USP49: variants seen among roughly 807,000 people sequenced by gnomAD.
The protein encoded by USP49 is ubiquitin carboxyl-terminal hydrolase 49.
USP49 carries 24 observed loss-of-function variants against 58.6 expected under a neutral mutation model. The ratio of observed to expected loss-of-function variants is 0.41; its 90% CI spans 0.30 to 0.58. The LOEUF is 0.58. USP49 is among the 20% of genes least tolerant of loss of function. The pLI, the probability that USP49 is intolerant of heterozygous loss-of-function variation, is 0.30. For missense variants in USP49, 703 were observed against 866.1 expected (o/e 0.81, Z 2.36); for synonymous variants, 408 against 365.1 (o/e 1.12, Z -1.34).
intron 5 of USP49, among the ~76,000 whole-genome samples, chr6:41,801,925 A>G (rs952214435): frequency 6.6e-5 from 10 of 152,250 alleles, no homozygotes; most frequent in African/African-American, 2.4e-4. Context: ...AAAGATAAAC[A>G]AAAGTTATTT....
chr6:41,814,284 T>TA (rs1482669509), intron 3 of USP49, among the ~76,000 whole-genome samples: 17 of 152,238 alleles, frequency 1.1e-4, no homozygotes, highest in Admixed American at 1.1e-3. Context: ...AGTTTTATTT[T>TA]AAAAATCTGA....
chr6:41,875,036 C>T (rs987806333), intron 2 of USP49, among the ~76,000 whole-genome samples: 2 of 152,092 alleles, frequency 1.3e-5, no homozygotes, highest in African/African-American at 4.8e-5. Flanking sequence ...AAACTAACTT[C>T]TGGGTGATGT....
At chr6:41,833,322 C>T (rs1477339287) in intron 3 of USP49, among the ~76,000 whole-genome samples, 1 of 151,956 alleles carries the variant, frequency 6.6e-6, no homozygotes, top group Non-Finnish European at 1.5e-5. Flanking sequence ...GGCCTTGACA[C>T]AGTATTTCTG....
At chr6:41,827,675 C>CA (rs373056101) in intron 3 of USP49, among the ~76,000 whole-genome samples, 5,612 of 92,128 alleles carry the variant, frequency 0.061, 268 homozygotes, top group Admixed American at 0.13. Context: ...ACTCTGTCTC[C>CA]AAAAAAAAAA....
chr6:41,863,076 C>T (rs957716981), intron 3 of USP49, among the ~76,000 whole-genome samples: 2 of 152,088 alleles, frequency 1.3e-5, no homozygotes, highest in Non-Finnish European at 2.9e-5. Context: ...CGCACCTGGC[C>T]TCTCACACTT....
intron 3 of USP49, among the ~76,000 whole-genome samples, chr6:41,865,423 G>A (rs1323594993): frequency 6.6e-6 from 1 of 152,066 alleles, no homozygotes; most frequent in Non-Finnish European, 1.5e-5. Context: ...AAGAACAGCG[G>A]GATAGGCCTA....
chr6:41,860,442 A>C (rs1156365724), intron 3 of USP49, among the ~76,000 whole-genome samples: 4 of 152,158 alleles, frequency 2.6e-5, no homozygotes, highest in African/African-American at 9.7e-5. Flanking sequence ...CTATTCGATG[A>C]TATTAAGAAA....
intron 3 of USP49, among the ~76,000 whole-genome samples, chr6:41,848,823 C>G (rs1352164528): frequency 1.3e-5 from 2 of 151,302 alleles, no homozygotes; most frequent in East Asian, 3.9e-4. Context: ...CCACTGCACT[C>G]CAGCCTGGAC....
intron 3 of USP49, among the ~76,000 whole-genome samples, chr6:41,842,744 A>C (rs1301768614): frequency 6.6e-6 from 1 of 152,090 alleles, no homozygotes; most frequent in East Asian, 1.9e-4. Flanking sequence ...ACTGCCCAGA[A>C]TTTATTCCTG....
chr6:41,842,773 T>C (rs547955805), intron 3 of USP49, among the ~76,000 whole-genome samples: 14 of 152,148 alleles, frequency 9.2e-5, no homozygotes, highest in African/African-American at 3.1e-4. Context: ...TTTTCATAAG[T>C]TAAATTTGAT....
chr6:41,866,580 C>T (rs1774323321), intron 3 of USP49, among the ~76,000 whole-genome samples: 1 of 152,180 alleles, frequency 6.6e-6, no homozygotes, highest in Admixed American at 6.5e-5. Context: ...TGACTTTCAA[C>T]CCACACTGGG....
At chr6:41,856,766 G>T (rs1483303486) in intron 3 of USP49, among the ~76,000 whole-genome samples, 1 of 152,160 alleles carries the variant, frequency 6.6e-6, no homozygotes, top group African/African-American at 2.4e-5. Context: ...AGTACAGTAA[G>T]ATATTTTGAG....
At chr6:41,830,362 T>C (rs572786143) in intron 3 of USP49, among the ~76,000 whole-genome samples, 15 of 152,312 alleles carry the variant, frequency 9.8e-5, no homozygotes, top group Admixed American at 7.2e-4. Context: ...CCAAAAATCC[T>C]CCCAGTGATC....
intron 3 of USP49, among the ~76,000 whole-genome samples, chr6:41,821,936 G>A (rs1218607011): frequency 6.6e-6 from 1 of 152,132 alleles, no homozygotes; most frequent in African/African-American, 2.4e-5. Context: ...ACATGACGCT[G>A]GTTTTACGAA....
Position 41,798,916 on chromosome 6 carries a change from T to G in USP49, c.1684A>C (p.Asn562His). Residue 562 changes from asparagine (N) to histidine (H), a missense_variant, in exon 7 of 8, where the codon AAT becomes CAT. Asn to His is a moderately conservative substitution (Grantham distance 68). Coordinates refer to ENST00000682992, the MANE Select transcript of USP49 (RefSeq NM_001286554.2). ...HLKRFRWSGR[N>H]HREKIGVHVV... ...TGGACCCCAATCTTCTCTCGATGATTACGGCCAGACCACCTAGAACATGGA... is the reference window on the plus strand; with the variant it reads ...TGGACCCCAATCTTCTCTCGATGATGACGGCCAGACCACCTAGAACATGGA... The G allele has an allele frequency of 6.2e-7, 1 of 1,612,446 alleles. No homozygotes were observed. The highest frequency in any genetic ancestry group is 8.5e-7 in the Non-Finnish European group (1 of 1,179,320).
At chr6:41,852,197 T>C (rs1419159087) in intron 3 of USP49, among the ~76,000 whole-genome samples, 2 of 151,888 alleles carry the variant, frequency 1.3e-5, no homozygotes, top group African/African-American at 4.8e-5. Flanking sequence ...TGGTGGTACA[T>C]GCCTGTAATC....
At chr6:41,824,477 G>A (rs577820806) in intron 3 of USP49, among the ~76,000 whole-genome samples, 27 of 151,286 alleles carry the variant, frequency 1.8e-4, no homozygotes, top group African/African-American at 5.6e-4. Flanking sequence ...TTGGGAGGCC[G>A]AGGCGGGCAG....
intron 2 of USP49, among the ~76,000 whole-genome samples, chr6:41,874,920 C>A (rs1456378736): frequency 6.6e-6 from 1 of 151,996 alleles, no homozygotes; most frequent in Non-Finnish European, 1.5e-5. Flanking sequence ...CGTGATTGCA[C>A]CACTGCACTC....
At position 41,802,452 on chromosome 6, in the gene USP49, A is replaced by ATT. The variant is rs1561902624; in HGVS notation, c.1561+1352_1561+1353dup. Among the ~76,000 whole-genome samples, 43 of 63,804 alleles carry ATT rather than the reference A, an allele frequency of 6.7e-4. 5 individuals are homozygous for ATT. The highest frequency in any genetic ancestry group is 9.6e-4 in the Non-Finnish European group (33 of 34,510). 41.9% of individuals were successfully genotyped at this position (63,804 alleles called of 152,430 possible). ...ATTTTATTTATTTATTTATTTATTT[A>ATT]TTTATTTATTTATTTATTTTTTATT... On this transcript the variant is annotated intron_variant, in intron 5 of 7. Coordinates refer to ENST00000682992, the MANE Select transcript of USP49 (RefSeq NM_001286554.2).
Sources: allele counts gnomAD v4.1 joint callset (sites outside exome capture counted in the v4.1 genomes callset), GRCh38; gene constraint gnomAD v4.1.1; transcripts MANE v1.5; gene names NCBI Gene and HGNC (gene_info 2026-07-23, HGNC 2026-07-21).